Variants in PRTG observed in about 807,000 individuals in gnomAD.
PRTG encodes the protein protogenin, also known as immunoglobulin superfamily, DCC subclass, member 5.
In PRTG, 67 loss-of-function variants were observed where a neutral mutation model predicts 122.5. The observed-to-expected ratio is 0.55, with a 90% CI of 0.45 to 0.67. PRTG has a LOEUF of 0.67. Ranked by LOEUF, PRTG falls within the 30% of genes least tolerant of loss-of-function variation. The probability of loss-of-function intolerance (pLI) is 0.00; values close to 1 mark genes in which losing one functional copy is unlikely to be tolerated. For missense variants in PRTG, 1,435 were observed against 1,415.4 expected, an observed-to-expected ratio of 1.01 and a Z score of -0.22; for synonymous variants, 554 against 501.1, an observed-to-expected ratio of 1.11 and a Z score of -1.41.
intron 11 of PRTG, among the ~76,000 whole-genome samples, chr15:55,669,061 G>A (rs2059453828): frequency 1.3e-5 from 2 of 151,820 alleles, no homozygotes; most frequent in African/African-American, 4.8e-5. Context: ...AAATACATAA[G>A]TTCATTCGTC....
intron 2 of PRTG, among the ~76,000 whole-genome samples, chr15:55,704,187 T>C (rs1489068875): frequency 6.6e-6 from 1 of 152,244 alleles, no homozygotes; most frequent in Non-Finnish European, 1.5e-5. Context: ...GCCTTTCTTA[T>C]GCCTTGTTGT....
rs1725238583 is a variant in PRTG, at chr15:55,675,609, C to G, written c.1456G>C (p.Ala486Pro). ...THYIIDDLEP[A>P]SNYTFYIVAY... ...ACAATGTAGAAAGTATAATTGCTGG[C>G]AGGCTCTAAGTCATCAATAATATAA... Residue 486 changes from alanine (A) to proline (P), a missense_variant, in exon 9 of 20, where the codon GCC becomes CCC. Physicochemically the swap from Ala to Pro is conservative, Grantham distance 27 (BLOSUM62 -1). Coordinates refer to ENST00000389286, the MANE Select transcript of PRTG (RefSeq NM_173814.6). The G allele has an allele frequency of 6.2e-7, 1 of 1,607,792 alleles. No individual in the cohort carries two copies. Among genetic ancestry groups the G allele is most frequent in the Non-Finnish European group, 8.5e-7 (1 of 1,174,490 alleles).
At chr15:55,720,884 C>CAA (rs2030794461) in intron 2 of PRTG, among the ~76,000 whole-genome samples, 1 of 152,088 alleles carries the variant, frequency 6.6e-6, no homozygotes, top group Non-Finnish European at 1.5e-5. Flanking sequence ...GGGCTGCATG[C>CAA]GGGTTGGACA....
chr15:55,629,399 G>A (rs377379080), intron 15 of PRTG, among the ~76,000 whole-genome samples: 2 of 111,024 alleles, frequency 1.8e-5, no homozygotes, highest in African/African-American at 8.9e-5. Context: ...GTGTGTGTGT[G>A]TGTGTGTGTG....
intron 2 of PRTG, among the ~76,000 whole-genome samples, chr15:55,732,120 C>G (rs531497085): frequency 6.6e-6 from 1 of 152,306 alleles, no homozygotes; most frequent in East Asian, 1.9e-4. Flanking sequence ...TCTTATAGAA[C>G]AGAACCACTG....
chr15:55,642,101 G>A (rs191781137), intron 11 of PRTG, among the ~76,000 whole-genome samples: 2,104 of 146,492 alleles, frequency 0.014, 17 homozygotes, highest in Non-Finnish European at 0.023. Flanking sequence ...GTGAACCCGG[G>A]AAGCGGAGCT....
Position 55,680,549 on chromosome 15 carries a change from T to C in PRTG, c.756A>G (p.Val252=). 4 of 1,602,926 alleles carry C rather than the reference T, an allele frequency of 2.5e-6. No individual in the cohort carries two copies. The highest frequency in any genetic ancestry group is 3.4e-6 in the Non-Finnish European group (4 of 1,174,176). ...QNITTSLHQT[V]VLECMATGNP... ...TTCCTGTGGCCATGCATTCCAAAAC[T>C]ACAGTCTGATGAAGAGATGTTGTTA... Residue 252 remains valine, a synonymous_variant, in exon 5 of 20, where the codon GTA becomes GTG. Transcript: ENST00000389286.
chr15:55,717,697 TTTTG>T (rs1197515401), intron 2 of PRTG, among the ~76,000 whole-genome samples: 5 of 152,208 alleles, frequency 3.3e-5, no homozygotes, highest in African/African-American at 9.6e-5. Context: ...TCATTAAAAG[TTTTG>T]TTTTACTTGC....
intron 2 of PRTG, among the ~76,000 whole-genome samples, chr15:55,721,685 TG>T (rs1373704447): frequency 1.3e-5 from 2 of 152,324 alleles, no homozygotes; most frequent in Non-Finnish European, 2.9e-5. Context: ...CTGGGTAATT[TG>T]TAAGAGAAAG....
At chr15:55,663,662 C>T (rs909969719) in intron 11 of PRTG, among the ~76,000 whole-genome samples, 2 of 152,002 alleles carry the variant, frequency 1.3e-5, no homozygotes, top group Admixed American at 6.6e-5. Flanking sequence ...CCGCCTCAGC[C>T]TCCGAAGCAG....
rs117396432 is a variant in PRTG, at chr15:55,729,748, T to G, written c.397+10634A>C. 7.2e-4 allele frequency among the ~76,000 whole-genome samples: 110 copies of G among 152,312 alleles called. 1 individual carries two copies. The East Asian group carries it at 0.019, about 26-fold the overall frequency. ...ATAATAATGACATGTACTTAACCATTTATTTAAAACTCAATCTTTTGACTA... is the reference window on the plus strand; with the variant it reads ...ATAATAATGACATGTACTTAACCATGTATTTAAAACTCAATCTTTTGACTA... On this transcript the variant is annotated intron_variant, in intron 2 of 19. Coordinates refer to ENST00000389286, the MANE Select transcript of PRTG (RefSeq NM_173814.6).
chr15:55,660,160 A>T (rs1390772716), intron 11 of PRTG, among the ~76,000 whole-genome samples: 1 of 152,216 alleles, frequency 6.6e-6, no homozygotes, highest in African/African-American at 2.4e-5. Flanking sequence ...ATTTTCCTCC[A>T]GGAAGCGTGG....
At chr15:55,678,629 C>T (rs1374312148) in intron 7 of PRTG, among the ~76,000 whole-genome samples, 1 of 152,174 alleles carries the variant, frequency 6.6e-6, no homozygotes, top group African/African-American at 2.4e-5. Context: ...AAATATTCTA[C>T]ATTAATCACT....
At chr15:55,635,050 G>C (rs1184923961) in intron 15 of PRTG, among the ~76,000 whole-genome samples, 1 of 128,864 alleles carries the variant, frequency 7.8e-6, no homozygotes, top group Admixed American at 8.2e-5. Context: ...TTCCTGACTG[G>C]GGAGCCCTCT....
At chr15:55,627,971 A>G (rs1271810374) in intron 16 of PRTG, among the ~76,000 whole-genome samples, 6 of 152,118 alleles carry the variant, frequency 3.9e-5, no homozygotes, top group African/African-American at 1.4e-4. Flanking sequence ...GCTCTAGACT[A>G]CTTTGAGTGG....
At chr15:55,740,346 T>A (rs1486047252) in intron 2 of PRTG, 36 bp downstream of exon 2, 1 of 1,528,460 alleles carries the variant, frequency 6.5e-7, no homozygotes, top group African/African-American at 1.4e-5. Flanking sequence ...AATGTAGCAA[T>A]GAAAAATGTC....
intron 2 of PRTG, among the ~76,000 whole-genome samples, chr15:55,709,592 A>C (rs2030299295): frequency 6.6e-6 from 1 of 152,076 alleles, no homozygotes; most frequent in Non-Finnish European, 1.5e-5. Context: ...TATTCCTAAC[A>C]GGTTTATGTG....
At chr15:55,695,709 C>T (rs992610861) in intron 2 of PRTG, among the ~76,000 whole-genome samples, 7 of 152,188 alleles carry the variant, frequency 4.6e-5, no homozygotes, top group Admixed American at 3.3e-4. Flanking sequence ...CTGGGCGCAG[C>T]GGCTCATGCC....
rs561461320 is a variant in PRTG at position 55,630,877 on chromosome 15, C to T, written c.2624-1873G>A. On this transcript the variant is annotated intron_variant, in intron 15 of 19. Transcript: ENST00000389286. ...CTCATTTTTTCCTGACTCAGGGCAA[C>T]CTTACAATAGCTTCAAAGAGTTTAC... 7.2e-5 allele frequency among the ~76,000 whole-genome samples: 11 copies of T among 152,276 alleles called. No homozygotes were observed. The South Asian group carries it at 1.0e-3, about 14-fold the overall frequency.
Sources: allele counts gnomAD v4.1 joint callset (sites outside exome capture counted in the v4.1 genomes callset), GRCh38; gene constraint gnomAD v4.1.1; transcripts MANE v1.5; gene names NCBI Gene and HGNC (gene_info 2026-07-23, HGNC 2026-07-21).